CSMD1: variants seen among roughly 807,000 people sequenced by gnomAD.
The protein encoded by CSMD1 is CUB and Sushi multiple domains 1.
A neutral mutation model predicts 417.5 loss-of-function variants in CSMD1; 213 were observed. That is an observed-to-expected ratio of 0.51 (90% CI 0.46 to 0.57). CSMD1 has a LOEUF of 0.57. Among genes scored for constraint, CSMD1 ranks in the 20% least tolerant of loss-of-function variants. The pLI is 0.00. For synonymous variants in CSMD1, 2,862 were observed against 1,736.8 expected (o/e 1.65, Z -16.11); for missense variants, 6,923 against 4,529.7 (o/e 1.53, Z -15.17).
At chr8:4,028,665 C>G (rs1214648217) in intron 4 of CSMD1, among the ~76,000 whole-genome samples, 1 of 152,182 alleles carries the variant, frequency 6.6e-6, no homozygotes, top group African/African-American at 2.4e-5. Context: ...TGGGTCATAA[C>G]ATTTACTATC....
chr8:3,897,585 G>A (rs2688377), intron 5 of CSMD1, among the ~76,000 whole-genome samples: 2 of 151,150 alleles, frequency 1.3e-5, no homozygotes, highest in Admixed American at 6.6e-5. Flanking sequence ...AAAAAAAAAA[G>A]GCTATGCATT....
chr8:3,427,779 G>C (rs1217557271), intron 12 of CSMD1, among the ~76,000 whole-genome samples: 1 of 152,102 alleles, frequency 6.6e-6, no homozygotes, highest in Non-Finnish European at 1.5e-5. Context: ...GAAATTCAGA[G>C]AGGAAACAAG....
At chr8:4,241,159 T>A (rs779567758) in intron 3 of CSMD1, among the ~76,000 whole-genome samples, 4 of 152,158 alleles carry the variant, frequency 2.6e-5, no homozygotes, top group Non-Finnish European at 5.9e-5. Context: ...GCTTGTCTTC[T>A]TAAACAAATG....
intron 23 of CSMD1, among the ~76,000 whole-genome samples, chr8:3,320,631 T>C (rs1444453969): frequency 1.3e-5 from 2 of 152,164 alleles, no homozygotes; most frequent in African/African-American, 2.4e-5. Context: ...AGTGACAGCC[T>C]CAACTAGACC....
chr8:4,350,707 T>G (rs1328441975), intron 3 of CSMD1, among the ~76,000 whole-genome samples: 1 of 152,216 alleles, frequency 6.6e-6, no homozygotes, highest in Admixed American at 6.5e-5. Flanking sequence ...GGTTGTCCAC[T>G]TCTCCTGCTG....
At chr8:4,216,271 C>G (rs564923157) in intron 3 of CSMD1, among the ~76,000 whole-genome samples, 21 of 152,190 alleles carry the variant, frequency 1.4e-4, no homozygotes, top group African/African-American at 5.1e-4. Context: ...TCTACGAGAC[C>G]TGACCTTCTC....
chr8:4,163,359 T>C (rs1797276352), intron 3 of CSMD1, among the ~76,000 whole-genome samples: 1 of 152,200 alleles, frequency 6.6e-6, no homozygotes, highest in Non-Finnish European at 1.5e-5. Context: ...CAGCCATAAC[T>C]CAGAGTTATT....
At chr8:3,503,631 A>T (rs2117355521) in intron 10 of CSMD1, among the ~76,000 whole-genome samples, 1 of 152,324 alleles carries the variant, frequency 6.6e-6, no homozygotes, top group East Asian at 1.9e-4. Flanking sequence ...AATTACCGTA[A>T]TTCTCTTTGT....
At chr8:4,816,136 G>A (rs932536053) in intron 1 of CSMD1, among the ~76,000 whole-genome samples, 2 of 152,122 alleles carry the variant, frequency 1.3e-5, no homozygotes, top group African/African-American at 2.4e-5. Context: ...CTTCAAGTTT[G>A]TCTGAGGCTT....
At chr8:4,795,129 T>C (rs1797905216) in intron 1 of CSMD1, among the ~76,000 whole-genome samples, 1 of 151,598 alleles carries the variant, frequency 6.6e-6, no homozygotes, top group South Asian at 2.1e-4. Flanking sequence ...ATAACAACAG[T>C]AGACAGAAAC....
intron 3 of CSMD1, among the ~76,000 whole-genome samples, chr8:4,247,766 C>T (rs527795277): frequency 2.6e-5 from 4 of 152,248 alleles, no homozygotes; most frequent in East Asian, 1.9e-4. Flanking sequence ...AAGCCTACAA[C>T]TTTAAAATAG....
At chr8:4,464,120 A>C (rs1176786766) in intron 2 of CSMD1, among the ~76,000 whole-genome samples, 1 of 151,102 alleles carries the variant, frequency 6.6e-6, no homozygotes, top group African/African-American at 2.5e-5. Context: ...AGAGCTCAGA[A>C]CCTTGAGTCG....
chr8:3,118,147 T>A (rs573688579), intron 42 of CSMD1, among the ~76,000 whole-genome samples: 1 of 152,326 alleles, frequency 6.6e-6, no homozygotes, highest in African/African-American at 2.4e-5. Flanking sequence ...CAGCTCAGTA[T>A]ACCATTCCTC....
chr8:4,979,223 T>C (rs1039980882), intron 1 of CSMD1, among the ~76,000 whole-genome samples: 1 of 152,150 alleles, frequency 6.6e-6, no homozygotes, highest in African/African-American at 2.4e-5. Flanking sequence ...AATTTTTTTT[T>C]AGTTGCAGTA....
intron 1 of CSMD1, among the ~76,000 whole-genome samples, chr8:4,799,788 A>T (rs1366039619): frequency 2.0e-5 from 3 of 147,442 alleles, no homozygotes; most frequent in Non-Finnish European, 3.0e-5. Context: ...ATGTCTCTTT[A>T]AAAAAAAAAG....
At chr8:4,637,877 A>G (rs1427497813) in intron 1 of CSMD1, among the ~76,000 whole-genome samples, 1 of 151,020 alleles carries the variant, frequency 6.6e-6, no homozygotes, top group East Asian at 2.0e-4. Context: ...TCACCTTGTT[A>G]GCCAGGATGG....
intron 5 of CSMD1, among the ~76,000 whole-genome samples, chr8:3,961,314 C>T (rs1162514059): frequency 1.3e-5 from 2 of 152,096 alleles, no homozygotes. Context: ...TAAAAGTCAT[C>T]CTTTCAATTA....
chr8:4,376,084 A>G (rs1334084169), intron 3 of CSMD1, among the ~76,000 whole-genome samples: 1 of 152,252 alleles, frequency 6.6e-6, no homozygotes, highest in East Asian at 1.9e-4. Flanking sequence ...CCATAATTTA[A>G]TATATCATAA....
At chr8:4,221,120 A>G (rs1801005531) in intron 3 of CSMD1, among the ~76,000 whole-genome samples, 1 of 152,214 alleles carries the variant, frequency 6.6e-6, no homozygotes, top group African/African-American at 2.4e-5. Context: ...CGGACAAGAC[A>G]GAGAATAGAA....
Sources: allele counts gnomAD v4.1 joint callset (sites outside exome capture counted in the v4.1 genomes callset), GRCh38; gene constraint gnomAD v4.1.1; transcripts MANE v1.5; gene names NCBI Gene and HGNC (gene_info 2026-07-23, HGNC 2026-07-21).